The following MTSS1 variants were observed in gnomAD, a reference collection of about 807,000 sequenced individuals.
MTSS1 encodes the protein MTSS I-BAR domain containing 1, also known as protein MTSS 1.
Under a neutral mutation model 79.0 loss-of-function variants are expected in MTSS1, and 18 were observed. That is an observed-to-expected ratio of 0.23 (90% CI 0.16 to 0.34). MTSS1 has a LOEUF of 0.34. Ranked by LOEUF, MTSS1 falls within the 10% of genes least tolerant of loss-of-function variation. The probability of loss-of-function intolerance (pLI) is 1.00; values close to 1 mark genes in which losing one functional copy is unlikely to be tolerated. For synonymous variants in MTSS1, 341 were observed against 368.6 expected (o/e 0.93, Z 0.86); for missense variants, 815 against 986.2 (o/e 0.83, Z 2.33).
In MTSS1 at chr8:124,699,506, G is replaced by C; in HGVS notation, c.208+20C>G. The C allele has an allele frequency of 2.5e-6, 4 of 1,612,858 alleles. No homozygotes were observed. The highest frequency in any genetic ancestry group is 3.4e-6 in the Non-Finnish European group (4 of 1,178,896). On this transcript the variant is annotated intron_variant, in intron 3 of 13. Transcript: ENST00000518547. ...GTGCAGAATGCAGTTAACACTGGGA[G>C]TCAGCCTCCATCTGCTTACCACGTG...
rs568361026 is a variant in MTSS1 at position 124,727,350 on chromosome 8, C to T, written c.72+534G>A. Among the ~76,000 whole-genome samples the T allele has an allele frequency of 6.6e-6, 1 of 152,334 alleles. No individual in the cohort carries two copies. The highest frequency in any genetic ancestry group is 1.9e-4 in the East Asian group (1 of 5,164). ...AGCTTCGGAACGGCCCAATTAATAA[C>T]TAATTTGCTCAGATACCCCACTCCA... On this transcript the variant is annotated intron_variant, in intron 1 of 13. Coordinates refer to ENST00000518547, the MANE Select transcript of MTSS1 (RefSeq NM_014751.6). The surrounding 1 kb of genome is among the most constrained non-coding windows in gnomAD (Gnocchi z 4.7).
intron 3 of MTSS1, among the ~76,000 whole-genome samples, chr8:124,622,793 C>CAA (rs11403789): frequency 0.071 from 8,498 of 120,408 alleles, 424 homozygotes; most frequent in East Asian, 0.15. Context: ...GAGTCCATCT[C>CAA]AAAAAAAAAA....
intron 3 of MTSS1, among the ~76,000 whole-genome samples, chr8:124,692,030 T>C (rs949977930): frequency 1.5e-5 from 2 of 136,258 alleles, no homozygotes; most frequent in African/African-American, 5.3e-5. Flanking sequence ...ATTACCCTGA[T>C]TTTTTTTTTT....
At chr8:124,555,492 T>C (rs1418170847) in intron 13 of MTSS1, among the ~76,000 whole-genome samples, 1 of 152,130 alleles carries the variant, frequency 6.6e-6, no homozygotes, top group African/African-American at 2.4e-5. Context: ...GTGATCCACC[T>C]GCCTTGGCCT....
intron 1 of MTSS1, among the ~76,000 whole-genome samples, chr8:124,719,385 G>T (rs1430851): frequency 6.6e-6 from 1 of 152,138 alleles, no homozygotes; most frequent in African/African-American, 2.4e-5. Flanking sequence ...GTGTCACCCA[G>T]ATCAAAAGCC....
chr8:124,650,321 G>A (rs1027167924), intron 3 of MTSS1, among the ~76,000 whole-genome samples: 6 of 152,188 alleles, frequency 3.9e-5, no homozygotes, highest in African/African-American at 1.2e-4. Flanking sequence ...GAGCCACCGC[G>A]CCCAGCCAAA....
intron 9 of MTSS1, chr8:124,564,687 T>TACACACACACA (rs1554639346): frequency 4.2e-5 from 2 of 47,352 alleles, no homozygotes; most frequent in African/African-American, 1.2e-4. Context: ...GGTCTCTCTT[T>TACACACACACA]CACTCACACA....
chr8:124,695,016 TA>T (rs11422382), intron 3 of MTSS1, among the ~76,000 whole-genome samples: 36 of 151,904 alleles, frequency 2.4e-4, no homozygotes, highest in Admixed American at 7.9e-4. Flanking sequence ...CACTTTCATT[TA>T]AAAAAAATGA....
intron 3 of MTSS1, among the ~76,000 whole-genome samples, chr8:124,622,485 G>GAAAAAA (rs74650146): frequency 2.0e-5 from 2 of 99,502 alleles, no homozygotes; most frequent in Non-Finnish European, 4.4e-5. Context: ...TTGCCATATT[G>GAAAAAA]AAAAAAAAAA....
Position 124,676,954 on chromosome 8 carries a change from C to T in MTSS1, c.208+22572G>A, listed in dbSNP as rs77278483. ...TACATAATAAAGTCAGTCAGATGAA[C>T]ATTCTCATACTGTGTTCCCCATGTG... On this transcript the variant is annotated intron_variant, in intron 3 of 13. Transcript: ENST00000518547. Among the ~76,000 whole-genome samples the T allele has an allele frequency of 7.2e-5, 11 of 152,278 alleles. No homozygotes were observed. The East Asian group carries it at 1.2e-3, about 16-fold the overall frequency.
chr8:124,594,983 C>G (rs1056217249), intron 3 of MTSS1, among the ~76,000 whole-genome samples: 31 of 152,152 alleles, frequency 2.0e-4, no homozygotes, highest in Non-Finnish European at 4.6e-4. Flanking sequence ...AAATGGCTGG[C>G]TGAGGCACAC....
At chr8:124,655,701 C>T (rs1404520664) in intron 3 of MTSS1, among the ~76,000 whole-genome samples, 1 of 152,174 alleles carries the variant, frequency 6.6e-6, no homozygotes, top group East Asian at 1.9e-4. Flanking sequence ...ATATAAAGCA[C>T]TGTGGAACTA....
In MTSS1 at chr8:124,552,401, A is replaced by T. The variant is rs3829033; in HGVS notation, c.*591T>A. ...GTACCCCTCCCATGGCCCTCCCCCC[A>T]ATCCCAACACAGTCTACCATTTCCA... is the stretch of plus-strand genomic sequence containing the variant. On this transcript the variant is annotated 3_prime_UTR_variant, in exon 14 of 14. Transcript: ENST00000518547. 0.095 allele frequency: 14,594 copies of T among 153,630 alleles called. 816 individuals carry two copies. The highest frequency in any genetic ancestry group is 0.17 in the East Asian group (875 of 5,188). The allele number at this position is 153,630 out of a possible 1,614,324, so 9.5% of individuals were successfully genotyped here. A position where few individuals can be genotyped will look rare whatever the true frequency, so the allele number is the denominator to read the frequency against.
intron 3 of MTSS1, among the ~76,000 whole-genome samples, chr8:124,625,818 T>A (rs868753846): frequency 9.9e-5 from 15 of 152,144 alleles, no homozygotes; most frequent in African/African-American, 3.6e-4. Flanking sequence ...AGGCCACACA[T>A]CCATTTTCAT....
chr8:124,566,372 G>T (rs1157590536), intron 8 of MTSS1, among the ~76,000 whole-genome samples: 1 of 152,114 alleles, frequency 6.6e-6, no homozygotes, highest in Non-Finnish European at 1.5e-5. Context: ...TGCATGCTCT[G>T]GTCTAATAAA....
At chr8:124,619,795 CAT>C (rs1246116246) in intron 3 of MTSS1, among the ~76,000 whole-genome samples, 8 of 152,178 alleles carry the variant, frequency 5.3e-5, no homozygotes, top group East Asian at 1.9e-4. Flanking sequence ...ATGCAGGAAA[CAT>C]GTGTCTGCTT....
chr8:124,613,122 G>A (rs1040364426), intron 3 of MTSS1, among the ~76,000 whole-genome samples: 2 of 152,190 alleles, frequency 1.3e-5, no homozygotes, highest in African/African-American at 4.8e-5. Context: ...AAGACTCAGA[G>A]AGCAGAACAA....
At chr8:124,556,500 T>C in intron 11 of MTSS1, 95 bp from the exon 12 acceptor site, 8 of 1,364,354 alleles carry the variant, frequency 5.9e-6, no homozygotes, top group Non-Finnish European at 6.9e-6. Context: ...AGGCAGCTGG[T>C]CCCCTTAAGG....
At chr8:124,609,272 T>G (rs1835367086) in intron 3 of MTSS1, among the ~76,000 whole-genome samples, 1 of 151,642 alleles carries the variant, frequency 6.6e-6, no homozygotes, top group South Asian at 2.1e-4. Context: ...TAGTGTCCCA[T>G]CCCAAACCAC....
Sources: gnomAD v4.1 joint callset for allele counts (sites outside exome capture counted in the v4.1 genomes callset) on GRCh38, gnomAD v4.1.1 for gene constraint, Gnocchi (gnomAD v3.1) non-coding constraint, MANE v1.5 for transcripts, NCBI Gene and HGNC (gene_info 2026-07-23, HGNC 2026-07-21) for gene names.